DLGAP2: variants seen among roughly 807,000 people sequenced by gnomAD.
The protein encoded by DLGAP2 is disks large-associated protein 2.
A neutral mutation model predicts 100.3 loss-of-function variants in DLGAP2; 26 were observed. The ratio of observed to expected loss-of-function variants is 0.26; its 90% CI spans 0.19 to 0.36. The LOEUF (loss-of-function observed/expected upper bound fraction) is 0.36. Ranked by LOEUF, DLGAP2 falls within the 10% of genes least tolerant of loss-of-function variation. The pLI is 1.00. For missense variants in DLGAP2, 1,858 were observed against 1,453.2 expected (o/e 1.28, Z -4.53); for synonymous variants, 886 against 630.1 (o/e 1.41, Z -6.08).
At chr8:961,749 C>T (rs917866473) in intron 2 of DLGAP2, among the ~76,000 whole-genome samples, 3 of 152,076 alleles carry the variant, frequency 2.0e-5, no homozygotes, top group Non-Finnish European at 2.9e-5. Flanking sequence ...AAATTTATCC[C>T]GACATTCTGA....
intron 1 of DLGAP2, among the ~76,000 whole-genome samples, chr8:847,547 C>T (rs1797093856): frequency 6.6e-6 from 1 of 151,818 alleles, no homozygotes; most frequent in Admixed American, 6.6e-5. Flanking sequence ...CGCTCTGTCA[C>T]CCAGGCTGGA....
At chr8:1,182,544 A>C (rs1029203345) in intron 2 of DLGAP2, among the ~76,000 whole-genome samples, 11 of 152,116 alleles carry the variant, frequency 7.2e-5, no homozygotes, top group Non-Finnish European at 1.3e-4. Context: ...TGTCTATGTG[A>C]GATGCTGGGT....
chr8:1,490,716 T>A (rs1799354186), intron 3 of DLGAP2, among the ~76,000 whole-genome samples: 1 of 152,160 alleles, frequency 6.6e-6, no homozygotes, highest in African/African-American at 2.4e-5. Flanking sequence ...TGAACTGACC[T>A]GGGCCCCACA....
intron 8 of DLGAP2, among the ~76,000 whole-genome samples, chr8:1,647,666 A>G (rs1417339833): frequency 6.6e-6 from 1 of 152,132 alleles, no homozygotes; most frequent in African/African-American, 2.4e-5. Flanking sequence ...GAGTTCTTGC[A>G]ATGGTCTGGA....
At chr8:1,162,370 T>G (rs950610071) in intron 2 of DLGAP2, among the ~76,000 whole-genome samples, 18 of 152,200 alleles carry the variant, frequency 1.2e-4, no homozygotes, top group Non-Finnish European at 1.9e-4. Flanking sequence ...ACACTGGTGG[T>G]GGAGACGTCT....
chr8:1,239,960 C>A (rs1798747703), intron 2 of DLGAP2, among the ~76,000 whole-genome samples: 1 of 144,670 alleles, frequency 6.9e-6, no homozygotes, highest in African/African-American at 2.6e-5. Context: ...GTGTCTAGTT[C>A]TCTCTCACAC....
intron 6 of DLGAP2, chr8:1,620,596 G>A (rs1797301392): frequency 6.6e-6 from 1 of 152,208 alleles, no homozygotes; most frequent in Non-Finnish European, 1.5e-5. Context: ...GCCTTTGTTG[G>A]GAGAAGTCTA....
chr8:1,315,888 C>T (rs913921969), intron 3 of DLGAP2, among the ~76,000 whole-genome samples: 1 of 134,344 alleles, frequency 7.4e-6, no homozygotes, highest in South Asian at 2.6e-4. Flanking sequence ...GGTCTACACT[C>T]GAGAAACTTG....
chr8:1,325,039 C>T (rs1487948493), intron 3 of DLGAP2, among the ~76,000 whole-genome samples: 1 of 152,200 alleles, frequency 6.6e-6, no homozygotes, highest in Non-Finnish European at 1.5e-5. Flanking sequence ...CAGTTTAGAC[C>T]TCTCAACCTG....
intron 1 of DLGAP2, among the ~76,000 whole-genome samples, chr8:869,459 C>G (rs1219477346): frequency 6.6e-6 from 1 of 152,152 alleles, no homozygotes; most frequent in Non-Finnish European, 1.5e-5. Flanking sequence ...CGTTTGTACG[C>G]TGAGGGCTCA....
At chr8:742,247 A>G (rs1820505905) in intron 1 of DLGAP2, among the ~76,000 whole-genome samples, 1 of 152,322 alleles carries the variant, frequency 6.6e-6, no homozygotes, top group Admixed American at 6.5e-5. Context: ...ATCGGCAGGA[A>G]AAAAAGAGAA....
intron 3 of DLGAP2, among the ~76,000 whole-genome samples, chr8:1,446,799 G>T (rs1463200055): frequency 6.6e-6 from 1 of 152,092 alleles, no homozygotes; most frequent in Admixed American, 6.6e-5. Flanking sequence ...CATTAAAGAG[G>T]TCATTCACAT....
At chr8:788,660 GA>G (rs1821945088) in intron 1 of DLGAP2, among the ~76,000 whole-genome samples, 1 of 152,242 alleles carries the variant, frequency 6.6e-6, no homozygotes, top group Non-Finnish European at 1.5e-5. Flanking sequence ...AAGAAGCCCA[GA>G]GCGGGCAGAA....
chr8:1,027,999 C>T (rs1382216507), intron 2 of DLGAP2, among the ~76,000 whole-genome samples: 5 of 146,266 alleles, frequency 3.4e-5, no homozygotes, highest in African/African-American at 1.0e-4. Flanking sequence ...CCATTATTCT[C>T]CAGGAGCAGT....
chr8:1,453,691 C>T (rs1479597267), intron 3 of DLGAP2, among the ~76,000 whole-genome samples: 9 of 152,266 alleles, frequency 5.9e-5, no homozygotes, highest in South Asian at 2.1e-4. Context: ...GCCTGAGAAG[C>T]GGGAGAATCC....
intron 1 of DLGAP2, among the ~76,000 whole-genome samples, chr8:748,543 A>G (rs932284756): frequency 1.1e-4 from 16 of 152,188 alleles, no homozygotes; most frequent in Non-Finnish European, 1.3e-4. Context: ...GAAAAGCAGC[A>G]GAGTCCAAAG....
At chr8:1,611,238 C>T (rs1460280167) in intron 6 of DLGAP2, among the ~76,000 whole-genome samples, 4 of 120,262 alleles carry the variant, frequency 3.3e-5, no homozygotes, top group Non-Finnish European at 4.9e-5. Context: ...GTTCAATATA[C>T]GCAAATCAAT....
At chr8:1,515,825 T>G (rs1391095344) in intron 4 of DLGAP2, among the ~76,000 whole-genome samples, 1 of 152,254 alleles carries the variant, frequency 6.6e-6, no homozygotes, top group Non-Finnish European at 1.5e-5. Flanking sequence ...CTGCTCCCAT[T>G]CCCTCTGTAC....
intron 2 of DLGAP2, among the ~76,000 whole-genome samples, chr8:1,156,101 C>A (rs1796779687): frequency 6.6e-6 from 1 of 152,166 alleles, no homozygotes; most frequent in Non-Finnish European, 1.5e-5. Context: ...TACAGCCGAG[C>A]CCTGTTTCAG....
Sources: gnomAD v4.1 joint callset for allele counts (sites outside exome capture counted in the v4.1 genomes callset) on GRCh38, gnomAD v4.1.1 for gene constraint, MANE v1.5 for transcripts, NCBI Gene and HGNC (gene_info 2026-07-23, HGNC 2026-07-21) for gene names.